The following ZCCHC17 variants were observed in gnomAD, a reference collection of about 807,000 sequenced individuals.
ZCCHC17 encodes the protein zinc finger CCHC domain-containing protein 17.
In ZCCHC17, 18 loss-of-function variants were observed where a neutral mutation model predicts 30.6. The ratio of observed to expected loss-of-function variants is 0.59; its 90% confidence interval spans 0.41 to 0.87. ZCCHC17 has a LOEUF of 0.87. ZCCHC17 is among the 40% of genes least tolerant of loss of function. ZCCHC17 has a pLI of 0.00. For missense variants in ZCCHC17, 263 were observed against 284.2 expected (o/e 0.93, Z 0.54); for synonymous variants, 88 against 92.4 (o/e 0.95, Z 0.27).
rs59290879 is a variant in ZCCHC17, at chr1:31,331,654, C to T, written c.125-5521C>T. Among the ~76,000 whole-genome samples, 1,316 of 151,688 alleles carry T rather than the reference C, an allele frequency of 8.7e-3. 4 individuals are homozygous for T. The highest frequency in any genetic ancestry group is 0.011 in the African/African-American group (462 of 41,346). ...TTGAGATGGAGTCTCGCTCTGTTGC[C>T]GGGCTGGAATGCAATGGCTCGATCT... is the stretch of plus-strand genomic sequence containing the variant. On this transcript the variant is annotated intron_variant, in intron 3 of 7. Transcript: ENST00000344147.
intron 1 of ZCCHC17, 53 bp from the exon 2 acceptor site, chr1:31,309,991 C>A (rs1182667717): frequency 2.0e-6 from 2 of 1,010,102 alleles, no homozygotes; most frequent in Non-Finnish European, 3.0e-6. Flanking sequence ...TCTGCATATT[C>A]ATTTCTTTAA....
intron 2 of ZCCHC17, among the ~76,000 whole-genome samples, chr1:31,310,857 C>G (rs776009654): frequency 3.9e-5 from 6 of 152,200 alleles, no homozygotes; most frequent in Non-Finnish European, 7.3e-5. Context: ...CTGGCCATCA[C>G]CCTTGATTTC....
Position 31,345,715 on chromosome 1 carries a change from G to C in ZCCHC17, c.318-925G>C, listed in dbSNP as rs189862509. Among the ~76,000 whole-genome samples the C allele has an allele frequency of 5.2e-3, 793 of 151,088 alleles. 7 individuals carry two copies. The highest frequency in any genetic ancestry group is 0.018 in the African/African-American group (734 of 41,078). On this transcript the variant is annotated intron_variant, in intron 5 of 7. Transcript: ENST00000344147. ...AGGCCTCAGGAAACTTACAGTCATGGCTGAAGGGTGAAGGGGAAGCAAGCA... is the reference window on the plus strand; with the variant it reads ...AGGCCTCAGGAAACTTACAGTCATGCCTGAAGGGTGAAGGGGAAGCAAGCA...
At chr1:31,315,354 C>T (rs755105280) in intron 2 of ZCCHC17, among the ~76,000 whole-genome samples, 1 of 152,164 alleles carries the variant, frequency 6.6e-6, no homozygotes, top group Non-Finnish European at 1.5e-5. Flanking sequence ...TCTTGCTGAA[C>T]TTAGCAGGGA....
chr1:31,360,528 G>A (rs1305290693), intron 7 of ZCCHC17, among the ~76,000 whole-genome samples: 2 of 152,180 alleles, frequency 1.3e-5, no homozygotes, highest in Non-Finnish European at 2.9e-5. Flanking sequence ...AGACACGTAG[G>A]GAAAATGACG....
chr1:31,306,614 A>G (rs574881204), intron 1 of ZCCHC17, among the ~76,000 whole-genome samples: 10 of 152,278 alleles, frequency 6.6e-5, no homozygotes, highest in Middle Eastern at 3.4e-3. Context: ...GGAAAGTACA[A>G]CTGTGGATGG....
At chr1:31,361,104 T>C (rs1055729018) in intron 7 of ZCCHC17, among the ~76,000 whole-genome samples, 1 of 152,204 alleles carries the variant, frequency 6.6e-6, no homozygotes, top group Admixed American at 6.5e-5. Flanking sequence ...ACTTCCATGG[T>C]CTTGCCATCC....
chr1:31,306,017 A>G (rs980494702), intron 1 of ZCCHC17, among the ~76,000 whole-genome samples: 1 of 151,990 alleles, frequency 6.6e-6, no homozygotes, highest in African/African-American at 2.4e-5. Flanking sequence ...TGTATTTTCT[A>G]CCCACAAATT....
chr1:31,322,672 C>G (rs1284326556), intron 3 of ZCCHC17, among the ~76,000 whole-genome samples: 1 of 151,708 alleles, frequency 6.6e-6, no homozygotes, highest in East Asian at 1.9e-4. Flanking sequence ...TGATAGAGCT[C>G]AGTCTCCAGC....
chr1:31,311,737 C>T (rs535932597), intron 2 of ZCCHC17, among the ~76,000 whole-genome samples: 1 of 152,286 alleles, frequency 6.6e-6, no homozygotes, highest in South Asian at 2.1e-4. Context: ...CCTAAGGGCC[C>T]CACCTCTTGA....
chr1:31,301,373 T>G (rs926686960), intron 1 of ZCCHC17, among the ~76,000 whole-genome samples: 1 of 152,248 alleles, frequency 6.6e-6, no homozygotes, highest in Non-Finnish European at 1.5e-5. Context: ...TTTTGCAATC[T>G]TGAGCGAGTT....
At chr1:31,300,330 G>A (rs1362761371) in intron 1 of ZCCHC17, among the ~76,000 whole-genome samples, 1 of 152,160 alleles carries the variant, frequency 6.6e-6, no homozygotes, top group Non-Finnish European at 1.5e-5. Context: ...AAAGTGCTAC[G>A]ATTATAGGCA....
chr1:31,363,421 G>A (rs1273090087), intron 7 of ZCCHC17, among the ~76,000 whole-genome samples: 1 of 152,124 alleles, frequency 6.6e-6, no homozygotes, highest in Non-Finnish European at 1.5e-5. Context: ...CTGACCTCGT[G>A]ATCCACCTGC....
At chr1:31,340,315 G>GTT (rs71028757) in intron 5 of ZCCHC17, among the ~76,000 whole-genome samples, 7,030 of 95,020 alleles carry the variant, frequency 0.074, 938 homozygotes, top group African/African-American at 0.25. Context: ...ATCTTGGAGG[G>GTT]TTTTTTTTTT....
At chr1:31,305,707 GC>G (rs1646436890) in intron 1 of ZCCHC17, among the ~76,000 whole-genome samples, 2 of 152,206 alleles carry the variant, frequency 1.3e-5, no homozygotes, top group South Asian at 4.1e-4. Context: ...CTTCCAAAGT[GC>G]TGGAATTACA....
chr1:31,315,762 A>G (rs186926951), intron 2 of ZCCHC17, among the ~76,000 whole-genome samples: 6 of 152,286 alleles, frequency 3.9e-5, no homozygotes. Flanking sequence ...TTCAGTTGAG[A>G]TAGTTACTGA....
intron 1 of ZCCHC17, among the ~76,000 whole-genome samples, chr1:31,307,406 T>C (rs970842578): frequency 6.6e-6 from 1 of 152,010 alleles, no homozygotes; most frequent in East Asian, 1.9e-4. Flanking sequence ...TCATTTCTGC[T>C]TTAGACTTTT....
chr1:31,364,143 G>A lies in ZCCHC17; in HGVS notation c.676G>A (p.Ala226Thr). Residue 226 changes from alanine to threonine, a missense_variant, in exon 8 of 8, where the codon GCA (alanine) becomes ACA (threonine). Coordinates refer to ENST00000344147, the MANE Select transcript of ZCCHC17 (RefSeq NM_016505.4). ...ARHTSKDSKAAKKKKKKKKHK... is the reference protein window; with the variant it reads ...ARHTSKDSKATKKKKKKKKHK... ...GCACACATCAAAAGACAGCAAGGCA[G>A]CAAAGAAGAAGAAAAAGAAGAAGAA... is the stretch of plus-strand genomic sequence containing the variant. 1 of 1,613,900 alleles carries A rather than the reference G, an allele frequency of 6.2e-7. No homozygotes were observed. Among genetic ancestry groups the A allele is most frequent in the South Asian group, 1.1e-5 (1 of 91,070 alleles).
At chr1:31,308,429 A>G (rs1227048712) in intron 1 of ZCCHC17, among the ~76,000 whole-genome samples, 1 of 152,232 alleles carries the variant, frequency 6.6e-6, no homozygotes, top group Non-Finnish European at 1.5e-5. Flanking sequence ...GTCATTGTAA[A>G]TCGGGAATAC....
Sources: gnomAD v4.1 joint callset for allele counts (sites outside exome capture counted in the v4.1 genomes callset) on GRCh38, gnomAD v4.1.1 for gene constraint, MANE v1.5 for transcripts, NCBI Gene and HGNC (gene_info 2026-07-23, HGNC 2026-07-21) for gene names.